The following OR5P3 variants were observed in gnomAD, a reference collection of about 807,000 sequenced individuals.
OR5P3 encodes olfactory receptor 5P3.
For missense variants in OR5P3, 415 were observed against 375.6 expected, an observed-to-expected ratio of 1.10 and a Z score of -0.87; for synonymous variants, 172 against 141.8, an observed-to-expected ratio of 1.21 and a Z score of -1.51.
chr11:7,825,798 T>C lies in OR5P3; in HGVS notation c.175A>G (p.Met59Val). The part of the protein sequence containing the change: ...IRRSHHLHTP[M>V]YIFLCHLAFV... ...GCCAAATGGCAGAGGAAAATGTACA[T>C]GGGTGTATGAAGATGATGACTTCTT... The change falls in exon 2 of 2, where the codon ATG becomes GTG. Residue 59 changes from methionine to valine, a missense_variant. Coordinates refer to ENST00000641167, the MANE Select transcript of OR5P3 (RefSeq NM_153445.2). 2 of 1,613,206 alleles carry C rather than the reference T, an allele frequency of 1.2e-6. No individual in the cohort carries two copies. The highest frequency in any genetic ancestry group is 1.6e-4 in the Middle Eastern group (1 of 6,062).
chr11:7,826,621 C>T (rs1017422128), intron 1 of OR5P3, among the ~76,000 whole-genome samples: 1 of 152,130 alleles, frequency 6.6e-6, no homozygotes, highest in Non-Finnish European at 1.5e-5. Context: ...GTAATGCACT[C>T]ACACTATAAA....
chr11:7,825,196 A>C lies in OR5P3; in HGVS notation c.777T>G (p.Tyr259Ter). The C allele has an allele frequency of 6.2e-7, 1 of 1,612,990 alleles. No homozygotes were observed. The change falls in exon 2 of 2, where the codon TAT (tyrosine) becomes TAG (stop). Residue 259 changes from tyrosine to a stop codon, truncating the protein, a stop_gained. Coordinates refer to ENST00000641167, the MANE Select transcript of OR5P3 (RefSeq NM_153445.2). LOFTEE classifies it low-confidence loss of function (END_TRUNC). ...TLFYGTITFIYVMPKSSYSTD... is the reference protein window; with the variant it reads ...TLFYGTITFI ...TTGAGTAGCTGGACTTGGGCATCACATAAATGAAGGTAATGGTCCCATAGA... is the reference window on the plus strand; with the variant it reads ...TTGAGTAGCTGGACTTGGGCATCACCTAAATGAAGGTAATGGTCCCATAGA...
In OR5P3 at chr11:7,825,779, T is replaced by A. The variant is rs749294640; in HGVS notation, c.194A>T (p.His65Leu). 1.9e-6 allele frequency: 3 copies of A among 1,613,200 alleles called. No homozygotes were observed. The South Asian group carries it at 3.3e-5, about 18-fold the overall frequency. The change falls in exon 2 of 2, where the codon CAT (histidine) becomes CTT (leucine). Residue 65 changes from histidine (H) to leucine (L), a missense_variant. His to Leu is a moderately conservative substitution (Grantham distance 99, BLOSUM62 -3). Transcript: ENST00000641167. ...LHTPMYIFLC[H>L]LAFVDIGYSS... The stretch of plus-strand genomic sequence containing the variant: ...GTACCCAATGTCTACAAAGGCCAAA[T>A]GGCAGAGGAAAATGTACATGGGTGT...
In OR5P3 at chr11:7,828,337, A is replaced by G. The variant is rs1425889105; in HGVS notation, c.-21-2344T>C. 2.6e-5 allele frequency among the ~76,000 whole-genome samples: 4 copies of G among 152,222 alleles called. No homozygotes were observed. In the East Asian group the frequency reaches 5.8e-4, roughly 22 times the overall value. On this transcript the variant is annotated intron_variant, in intron 1 of 1. Coordinates refer to ENST00000641167, the MANE Select transcript of OR5P3 (RefSeq NM_153445.2). The stretch of plus-strand genomic sequence containing the variant: ...CTTCAAGAGTTAAAAAGAGATGGAT[A>G]TGGGACCTCTTGATTCAAGAGAAGG...
intron 1 of OR5P3, among the ~76,000 whole-genome samples, chr11:7,826,312 T>C (rs1303677970): frequency 6.6e-6 from 1 of 152,058 alleles, no homozygotes; most frequent in Admixed American, 6.5e-5. Flanking sequence ...AGTAACTCAA[T>C]CTTCTAAGGC....
intron 1 of OR5P3, among the ~76,000 whole-genome samples, chr11:7,827,042 G>T (rs372691502): frequency 6.6e-6 from 1 of 152,098 alleles, no homozygotes; most frequent in Non-Finnish European, 1.5e-5. Flanking sequence ...AATTATAAAC[G>T]GAGATCTAAA....
rs771411046 is a variant in OR5P3, at chr11:7,825,136, G to T, written c.837C>A (p.Thr279=). Residue 279 remains threonine, a synonymous_variant, in exon 2 of 2, where the codon ACC becomes ACA. Transcript: ENST00000641167. ...GGGGGTTCAACATGGGAATCACCAC[G>T]GTGTAGAACACAGACACCACCTTGT... ...DQNKVVSVFY[T]VVIPMLNPLI... is the part of the protein sequence containing the mutation. The T allele has an allele frequency of 1.2e-5, 20 of 1,606,176 alleles. No homozygotes were observed. The highest frequency in any genetic ancestry group is 1.5e-5 in the Non-Finnish European group (18 of 1,179,954).
intron 1 of OR5P3, among the ~76,000 whole-genome samples, chr11:7,828,187 G>C (rs1467479223): frequency 3.9e-5 from 6 of 152,154 alleles, no homozygotes; most frequent in African/African-American, 1.4e-4. Context: ...AGAAAACATT[G>C]TCCTCAGGGA....
At chr11:7,828,922 G>C (rs1857777438) in intron 1 of OR5P3, among the ~76,000 whole-genome samples, 1 of 152,044 alleles carries the variant, frequency 6.6e-6, no homozygotes, top group African/African-American at 2.4e-5. Flanking sequence ...TACTAGGACA[G>C]GGAAGAATGA....
In OR5P3 at chr11:7,828,727, T is replaced by C. The variant is rs550109185; in HGVS notation, c.-22+2097A>G. Among the ~76,000 whole-genome samples the C allele has an allele frequency of 1.4e-4, 21 of 152,320 alleles. No individual in the cohort carries two copies. In the South Asian group the frequency reaches 2.7e-3, roughly 20 times the overall value. ...AAACAAAAAAACTGGATTCTGGTGA[T>C]AGTCATTTCTGAGATTACTGCAGTG... On this transcript the variant is annotated intron_variant, in intron 1 of 1. Coordinates refer to ENST00000641167, the MANE Select transcript of OR5P3 (RefSeq NM_153445.2).
In OR5P3 at chr11:7,825,266, T is replaced by C. The variant is rs867041355; in HGVS notation, c.707A>G (p.Lys236Arg). Residue 236 changes from lysine to arginine, a missense_variant, in exon 2 of 2, where the codon AAG becomes AGG. Lys to Arg is a conservative substitution (Grantham distance 26, BLOSUM62 2). Coordinates refer to ENST00000641167, the MANE Select transcript of OR5P3 (RefSeq NM_153445.2). ...LKMHSTKGRH[K>R]AFSTCTSHLT... ...GTGGGAGGTGCAGGTGGAGAAGGCC[T>C]TGTGGCGGCCCTTGGTGGAGTGCAT... The C allele has an allele frequency of 2.7e-5, 44 of 1,612,966 alleles. No individual in the cohort carries two copies. The highest frequency in any genetic ancestry group is 1.3e-4 in the Admixed American group (8 of 59,960).
intron 1 of OR5P3, among the ~76,000 whole-genome samples, chr11:7,828,541 A>T (rs889239887): frequency 1.3e-5 from 2 of 152,158 alleles, no homozygotes; most frequent in African/African-American, 4.8e-5. Context: ...ATTGTGAGGA[A>T]GGGGTAATAG....
Position 7,825,584 on chromosome 11 carries a change from A to C in OR5P3, c.389T>G (p.Leu130Arg). 2 of 1,613,180 alleles carry C rather than the reference A, an allele frequency of 1.2e-6. No homozygotes were observed. The highest frequency in any genetic ancestry group is 1.7e-6 in the Non-Finnish European group (2 of 1,180,022). Reference sequence around the variant, plus strand: ...AGGGGACATGCAGGTAGAGTAGAGCAGGGGTGAGCAGATGGCCACATAGCG... The same window carrying C: ...AGGGGACATGCAGGTAGAGTAGAGCCGGGGTGAGCAGATGGCCACATAGCG... ...YDRYVAICSP[L>R]LYSTCMSPGV... is the part of the protein sequence containing the mutation. Residue 130 changes from leucine (L) to arginine (R), a missense_variant, in exon 2 of 2, where the codon CTG (leucine) becomes CGG (arginine). By Grantham distance (102) the Leu-to-Arg change is moderately radical. Transcript: ENST00000641167.
intron 1 of OR5P3, among the ~76,000 whole-genome samples, chr11:7,830,476 C>G (rs181447793): frequency 1.1e-3 from 160 of 152,208 alleles, no homozygotes; most frequent in African/African-American, 3.7e-3. Context: ...AATTCAGAGT[C>G]AGTTATACAT....
Position 7,825,373 on chromosome 11 carries a change from A to G in OR5P3, c.600T>C (p.Ala200=), listed in dbSNP as rs780696244. The G allele has an allele frequency of 2.5e-6, 4 of 1,613,162 alleles. No individual in the cohort carries two copies. Among genetic ancestry groups the G allele is most frequent in the South Asian group, 2.2e-5 (2 of 91,088 alleles). The stretch of plus-strand genomic sequence containing the variant: ...CCACAATGATAGATCCAGAAGAGAT[A>G]GCTGGAATTATTTCAAAAGTAAAAT... ...SHDFTFEIIP[A]ISSGSIIVAT... is the part of the protein sequence containing the mutation. The change falls in exon 2 of 2, where the codon GCT becomes GCC. Residue 200 remains alanine, a synonymous_variant. Coordinates refer to ENST00000641167, the MANE Select transcript of OR5P3 (RefSeq NM_153445.2).
Position 7,825,951 on chromosome 11 carries a change from T to C in OR5P3, c.22A>G (p.Thr8Ala), listed in dbSNP as rs1257057188. Residue 8 changes from threonine to alanine, a missense_variant, in exon 2 of 2, where the codon ACT becomes GCT. Coordinates refer to ENST00000641167, the MANE Select transcript of OR5P3 (RefSeq NM_153445.2). MGTGNDTTVVEFTLLGLS... is the reference protein window; with the variant it reads MGTGNDTAVVEFTLLGLS... ...CCCAAAAGAGTAAACTCTACCACAG[T>C]GGTGTCATTTCCAGTCCCCATCTAT... 1.9e-6 allele frequency: 3 copies of C among 1,563,150 alleles called. No individual in the cohort carries two copies. The highest frequency in any genetic ancestry group is 2.6e-6 in the Non-Finnish European group (3 of 1,150,574).
At chr11:7,828,594 G>A (rs1301948025) in intron 1 of OR5P3, among the ~76,000 whole-genome samples, 69 of 152,094 alleles carry the variant, frequency 4.5e-4, no homozygotes, top group Non-Finnish European at 4.4e-5. Flanking sequence ...CAGTTTTGAG[G>A]CAATCCCAGT....
At chr11:7,826,595 C>T (rs1229620655) in intron 1 of OR5P3, among the ~76,000 whole-genome samples, 1 of 152,006 alleles carries the variant, frequency 6.6e-6, no homozygotes, top group East Asian at 1.9e-4. Context: ...AAGTCTGGAC[C>T]GAGGCAGAAG....
At chr11:7,828,412 C>T (rs1009055333) in intron 1 of OR5P3, among the ~76,000 whole-genome samples, 1 of 152,152 alleles carries the variant, frequency 6.6e-6, no homozygotes, top group African/African-American at 2.4e-5. Flanking sequence ...ATAGAGATGG[C>T]ATTCTGAGAG....
Sources: allele counts gnomAD v4.1 joint callset (sites outside exome capture counted in the v4.1 genomes callset), GRCh38; gene constraint gnomAD v4.1.1; transcripts MANE v1.5; gene names NCBI Gene and HGNC (gene_info 2026-07-23, HGNC 2026-07-21).